Variants in ITSN1 observed in about 807,000 individuals in gnomAD.
ITSN1 encodes intersectin 1.
Under a neutral mutation model 239.8 loss-of-function variants are expected in ITSN1, and 58 were observed. The ratio of observed to expected loss-of-function variants is 0.24; its 90% CI spans 0.20 to 0.30. The LOEUF (loss-of-function observed/expected upper bound fraction) is 0.30, where lower values mean the gene tolerates loss of function less well. Ranked by LOEUF, ITSN1 falls within the 10% of genes least tolerant of loss-of-function variation. The pLI, the probability that ITSN1 is intolerant of heterozygous loss-of-function variation, is 1.00. For synonymous variants in ITSN1, 780 were observed against 770.8 expected (o/e 1.01, Z -0.20); for missense variants, 1,558 against 2,103.3 (o/e 0.74, Z 5.07).
chr21:33,654,314 C>T (rs775692270), intron 1 of ITSN1, among the ~76,000 whole-genome samples: 14 of 151,892 alleles, frequency 9.2e-5, no homozygotes, highest in Non-Finnish European at 1.5e-4. Flanking sequence ...CCTCAGCCTC[C>T]CCAAGTGCTG....
intron 20 of ITSN1, among the ~76,000 whole-genome samples, chr21:33,809,396 A>G (rs1010324511): frequency 2.6e-5 from 4 of 152,226 alleles, no homozygotes; most frequent in Non-Finnish European, 2.9e-5. Flanking sequence ...TGTAAATAAC[A>G]GGTAGAAATC....
At chr21:33,655,077 A>G (rs1335243666) in intron 1 of ITSN1, among the ~76,000 whole-genome samples, 1 of 152,162 alleles carries the variant, frequency 6.6e-6, no homozygotes, top group African/African-American at 2.4e-5. Flanking sequence ...TCCATATAAT[A>G]ACATCAACAG....
intron 20 of ITSN1, among the ~76,000 whole-genome samples, chr21:33,805,850 T>C (rs958689215): frequency 2.7e-5 from 4 of 150,416 alleles, no homozygotes; most frequent in African/African-American, 7.3e-5. Context: ...TTTTTTGTAT[T>C]TTTAGTAGAG....
At chr21:33,690,815 GTATATA>G (rs1188283621) in intron 1 of ITSN1, among the ~76,000 whole-genome samples, 8 of 11,078 alleles carry the variant, frequency 7.2e-4, no homozygotes, top group South Asian at 3.2e-3. Flanking sequence ...ATATATATAT[GTATATA>G]TATATATATA....
At chr21:33,740,401 CTGA>C (rs1049132749) in intron 5 of ITSN1, among the ~76,000 whole-genome samples, 1 of 152,122 alleles carries the variant, frequency 6.6e-6, no homozygotes, top group Non-Finnish European at 1.5e-5. Flanking sequence ...GAAACTGAGG[CTGA>C]CAAAAGTGAA....
intron 1 of ITSN1, among the ~76,000 whole-genome samples, chr21:33,678,594 TG>T (rs1329840425): frequency 1.3e-5 from 2 of 152,206 alleles, no homozygotes; most frequent in Admixed American, 6.5e-5. Flanking sequence ...TGAGCTTCAG[TG>T]GGAGGTTTTG....
chr21:33,764,449 CTGGGTATCTTGCATA>C (rs1343203042), intron 9 of ITSN1, among the ~76,000 whole-genome samples: 1 of 151,854 alleles, frequency 6.6e-6, no homozygotes, highest in Non-Finnish European at 1.5e-5. Context: ...CTTTTTAAAA[CTGGGTATCTTGCATA>C]TGGGTATCTT....
chr21:33,765,653 T>C (rs930338773), intron 9 of ITSN1, among the ~76,000 whole-genome samples: 55 of 152,158 alleles, frequency 3.6e-4, no homozygotes, highest in African/African-American at 1.3e-3. Context: ...GGGAAGAGTA[T>C]CATTATAATC....
chr21:33,668,810 C>T (rs2090083360), intron 1 of ITSN1, among the ~76,000 whole-genome samples: 1 of 152,216 alleles, frequency 6.6e-6, no homozygotes, highest in Non-Finnish European at 1.5e-5. Context: ...AGTGACCCCA[C>T]ACTTGGCACA....
At chr21:33,687,524 A>G (rs763839187) in intron 1 of ITSN1, among the ~76,000 whole-genome samples, 1 of 151,988 alleles carries the variant, frequency 6.6e-6, no homozygotes, top group African/African-American at 2.4e-5. Context: ...TAATCTGTAG[A>G]ACTTGAAGGC....
At chr21:33,748,407 T>A (rs899877500) in intron 5 of ITSN1, among the ~76,000 whole-genome samples, 7 of 152,074 alleles carry the variant, frequency 4.6e-5, no homozygotes, top group African/African-American at 1.7e-4. Flanking sequence ...TGTGATCACG[T>A]GACTGTACTT....
intron 1 of ITSN1, among the ~76,000 whole-genome samples, chr21:33,682,764 C>T (rs1389481014): frequency 6.6e-6 from 1 of 152,032 alleles, no homozygotes; most frequent in Non-Finnish European, 1.5e-5. Flanking sequence ...TCAGGTGATC[C>T]ACTCACCTCG....
chr21:33,831,195 C>T lies in ITSN1; in HGVS notation c.3351+1450C>T, dbSNP rs573278493. Among the ~76,000 whole-genome samples the T allele has an allele frequency of 7.2e-5, 11 of 152,326 alleles. No individual in the cohort carries two copies. In the South Asian group the frequency reaches 2.3e-3, roughly 32 times the overall value. On this transcript the variant is annotated intron_variant, in intron 27 of 39. Coordinates refer to ENST00000381318, the MANE Select transcript of ITSN1 (RefSeq NM_003024.3). ...CTCAGACTGCCAGGCGGGCACCTGG[C>T]CACCTGCTTCATAGCTTAGTGAAGG...
chr21:33,785,317 C>T (rs1444815209), intron 16 of ITSN1, among the ~76,000 whole-genome samples: 1 of 152,136 alleles, frequency 6.6e-6, no homozygotes, highest in Non-Finnish European at 1.5e-5. Flanking sequence ...TTGATGCATG[C>T]TCAGAGTTAT....
At chr21:33,841,983 G>A (rs2074839443) in intron 29 of ITSN1, among the ~76,000 whole-genome samples, 1 of 147,914 alleles carries the variant, frequency 6.8e-6, no homozygotes, top group Admixed American at 6.8e-5. Flanking sequence ...TTGGAGTACA[G>A]TGGTGCAATC....
chr21:33,854,192 A>T (rs1468513704), intron 29 of ITSN1, among the ~76,000 whole-genome samples: 1 of 152,234 alleles, frequency 6.6e-6, no homozygotes, highest in Non-Finnish European at 1.5e-5. Context: ...AGATTCTTCA[A>T]GGCAACTGTG....
chr21:33,729,362 T>A (rs2066024005), intron 4 of ITSN1, among the ~76,000 whole-genome samples: 1 of 151,688 alleles, frequency 6.6e-6, no homozygotes, highest in Admixed American at 6.6e-5. Flanking sequence ...GGTGGGAGGA[T>A]CACTTGAGCT....
At chr21:33,829,952 A>T (rs887530582) in intron 27 of ITSN1, among the ~76,000 whole-genome samples, 1 of 152,248 alleles carries the variant, frequency 6.6e-6, no homozygotes, top group African/African-American at 2.4e-5. Flanking sequence ...CTAGGAGCGC[A>T]TACGAAAACA....
rs182675430 is a variant in ITSN1, at chr21:33,760,338, G to A, written c.725-1585G>A. 1.8e-3 allele frequency among the ~76,000 whole-genome samples: 277 copies of A among 152,234 alleles called. 2 individuals carry two copies. The highest frequency in any genetic ancestry group is 1.8e-3 in the Non-Finnish European group (123 of 68,018). On this transcript the variant is annotated intron_variant, in intron 8 of 39. Coordinates refer to ENST00000381318, the MANE Select transcript of ITSN1 (RefSeq NM_003024.3). ...AGGCAAATAGGGGCATCTGGGGTGC[G>A]ATTATACTCTCTTTCATGACCTCCA...
Sources: gnomAD v4.1 joint callset for allele counts (sites outside exome capture counted in the v4.1 genomes callset) on GRCh38, gnomAD v4.1.1 for gene constraint, MANE v1.5 for transcripts, NCBI Gene and HGNC (gene_info 2026-07-23, HGNC 2026-07-21) for gene names.